Variants in NUCB2 observed in about 807,000 individuals in gnomAD.
NUCB2 encodes nucleobindin-2.
NUCB2 carries 48 observed loss-of-function variants against 57.9 expected under a neutral mutation model. The ratio of observed to expected loss-of-function variants is 0.83; its 90% CI spans 0.66 to 1.05. NUCB2 has a LOEUF of 1.05. Among genes scored for constraint, NUCB2 ranks in the 50% least tolerant of loss-of-function variants. The probability of loss-of-function intolerance (pLI) is 0.00; values close to 1 mark genes in which losing one functional copy is unlikely to be tolerated. For missense variants in NUCB2, 442 were observed against 476.2 expected (o/e 0.93, Z 0.67); for synonymous variants, 139 against 152.1 (o/e 0.91, Z 0.64).
chr11:17,325,997 ACTTTTT>A (rs893402391), intron 11 of NUCB2, among the ~76,000 whole-genome samples: 5 of 151,564 alleles, frequency 3.3e-5, no homozygotes, highest in Admixed American at 6.6e-5. Context: ...TTTTGTTGTT[ACTTTTT>A]CTTTTTTTTT....
chr11:17,307,769 A>G (rs1379125324), intron 5 of NUCB2, among the ~76,000 whole-genome samples: 1 of 152,152 alleles, frequency 6.6e-6, no homozygotes, highest in African/African-American at 2.4e-5. Context: ...TATCTTTAGG[A>G]TAATTTCCCC....
intron 2 of NUCB2, among the ~76,000 whole-genome samples, chr11:17,285,212 G>A (rs1021838222): frequency 6.6e-6 from 1 of 152,118 alleles, no homozygotes; most frequent in Non-Finnish European, 1.5e-5. Flanking sequence ...CAGATCACAA[G>A]GTCAGGAGAT....
intron 2 of NUCB2, among the ~76,000 whole-genome samples, chr11:17,288,085 T>A (rs1376810516): frequency 1.3e-5 from 2 of 152,180 alleles, no homozygotes; most frequent in African/African-American, 4.8e-5. Flanking sequence ...ACACAAAAGG[T>A]AACAATTCAA....
rs565438549 is a variant in NUCB2, at chr11:17,341,952, T to C, written n.2626+4418T>C. Among the ~76,000 whole-genome samples, 217 of 152,270 alleles carry C rather than the reference T, an allele frequency of 1.4e-3. 1 individual carries two copies. The highest frequency in any genetic ancestry group is 5.3e-3 in the Admixed American group (81 of 15,288). On this transcript the variant is annotated intron_variant and non_coding_transcript_variant, in intron 2 of 2. Transcript: ENST00000532240. ...CTGTGAATCCATCTGGTCCTGGACTTTTTTTGGTTGGTAAGCTATTAATTA... is the reference window on the plus strand; with the variant it reads ...CTGTGAATCCATCTGGTCCTGGACTCTTTTTGGTTGGTAAGCTATTAATTA...
chr11:17,312,799 C>T (rs1475164961), intron 10 of NUCB2, among the ~76,000 whole-genome samples: 9 of 151,908 alleles, frequency 5.9e-5, no homozygotes, highest in East Asian at 3.9e-4. Flanking sequence ...CTCTGCCTCC[C>T]GGGTTCAAGT....
chr11:17,276,766 A>T lies in NUCB2; in HGVS notation c.-218A>T, dbSNP rs1941398490. ...AGCGGAGCGGTGGGCCGGGGGCTGG[A>T]GGACAGGTTTGTGCGCTGGACGCAA... On this transcript the variant is annotated 5_prime_UTR_variant, in exon 1 of 14. Transcript: ENST00000529010. 6.6e-6 allele frequency: 1 copy of T among 152,410 alleles called. No individual in the cohort carries two copies. Among genetic ancestry groups the T allele is most frequent in the Non-Finnish European group, 1.5e-5 (1 of 68,324 alleles). The allele number at this position is 152,410 out of a possible 1,614,324, so 9.4% of individuals were successfully genotyped here.
At chr11:17,280,332 A>C (rs377187912) in intron 1 of NUCB2, among the ~76,000 whole-genome samples, 3 of 152,144 alleles carry the variant, frequency 2.0e-5, no homozygotes, top group East Asian at 1.9e-4. Flanking sequence ...GATCTATACT[A>C]ATGTCTTGAT....
downstream of NUCB2, chr11:17,334,090 C>A (rs1227635994): frequency 6.6e-6 from 1 of 152,224 alleles, no homozygotes; most frequent in Non-Finnish European, 1.5e-5. Context: ...AAGCCAACCC[C>A]AGATTTAGGG....
intron 1 of NUCB2, among the ~76,000 whole-genome samples, chr11:17,281,764 A>G (rs116836408): frequency 6.6e-6 from 1 of 152,146 alleles, no homozygotes; most frequent in African/African-American, 2.4e-5. Flanking sequence ...CATGCATGTG[A>G]TTACTCTCCT....
intron 11 of NUCB2, chr11:17,317,574 G>A (rs545798800): frequency 3.0e-5 from 13 of 440,180 alleles, no homozygotes; most frequent in Non-Finnish European, 5.9e-5. Flanking sequence ...CAGTTGTAAT[G>A]TCTTTTTAGT....
At chr11:17,305,465 C>G (rs1565416597) in intron 5 of NUCB2, among the ~76,000 whole-genome samples, 2 of 151,980 alleles carry the variant, frequency 1.3e-5, no homozygotes, top group African/African-American at 4.8e-5. Flanking sequence ...GTCACTAAGC[C>G]TCAGTCATTA....
rs750680105 is a variant in NUCB2 at position 17,310,930 on chromosome 11, GAAGAA to G, written c.594_598del (p.Lys201ArgfsTer4). 10 of 1,591,490 alleles carry G rather than the reference GAAGAA, an allele frequency of 6.3e-6. No homozygotes were observed. The highest frequency in any genetic ancestry group is 8.5e-6 in the Non-Finnish European group (10 of 1,172,260). The stretch of plus-strand genomic sequence containing the variant: ...GAGAGAATATTTAAAAACATTGAAT[GAAGAA>G]AAGAGAAAAGAAGAAGAGTCTAAAT... On this transcript the variant is annotated frameshift_variant, in exon 7 of 14. Transcript: ENST00000529010. LOFTEE classifies it high-confidence loss of function.
At chr11:17,318,717 G>A (rs1004795173) in intron 11 of NUCB2, among the ~76,000 whole-genome samples, 9 of 152,246 alleles carry the variant, frequency 5.9e-5, no homozygotes, top group South Asian at 4.1e-4. Context: ...CAATTTGAAC[G>A]TGGAAATAAT....
intron 4 of NUCB2, among the ~76,000 whole-genome samples, chr11:17,299,277 T>C (rs1490461976): frequency 1.3e-5 from 2 of 152,186 alleles, no homozygotes; most frequent in African/African-American, 4.8e-5. Context: ...GGGTGTCCAA[T>C]TCAGTAACTC....
chr11:17,320,423 A>T (rs1056426242), intron 11 of NUCB2, among the ~76,000 whole-genome samples: 3 of 152,172 alleles, frequency 2.0e-5, no homozygotes, highest in African/African-American at 7.2e-5. Flanking sequence ...TAATCTCAGC[A>T]CTTTGGGAGG....
chr11:17,295,777 C>T (rs1945726718), intron 3 of NUCB2, among the ~76,000 whole-genome samples: 2 of 151,894 alleles, frequency 1.3e-5, no homozygotes, highest in African/African-American at 4.8e-5. Flanking sequence ...GCCAAGAAAA[C>T]ACTGTATTAT....
At chr11:17,295,866 A>C (rs1273066624) in intron 3 of NUCB2, among the ~76,000 whole-genome samples, 1 of 152,228 alleles carries the variant, frequency 6.6e-6, no homozygotes, top group Non-Finnish European at 1.5e-5. Context: ...TAGAAAATCT[A>C]CTGGACTAGA....
chr11:17,321,253 C>T (rs1403777751), intron 11 of NUCB2, among the ~76,000 whole-genome samples: 3 of 151,540 alleles, frequency 2.0e-5, no homozygotes, highest in African/African-American at 4.8e-5. Flanking sequence ...CCCAACTCCA[C>T]ACTTTTCCTA....
chr11:17,311,510 T>TA (rs1215306280), intron 8 of NUCB2, among the ~76,000 whole-genome samples: 6 of 152,180 alleles, frequency 3.9e-5, no homozygotes, highest in African/African-American at 1.4e-4. Flanking sequence ...TCATATGAAT[T>TA]ACTGCAAAGT....
Sources: gnomAD v4.1 joint callset for allele counts (sites outside exome capture counted in the v4.1 genomes callset) on GRCh38, gnomAD v4.1.1 for gene constraint, MANE v1.5 for transcripts, NCBI Gene and HGNC (gene_info 2026-07-23, HGNC 2026-07-21) for gene names.